ODF2L: variants seen among roughly 807,000 people sequenced by gnomAD.
The protein encoded by ODF2L is outer dense fiber of sperm tails 2 like.
ODF2L carries 76 observed loss-of-function variants against 86.3 expected under a neutral mutation model. The observed-to-expected ratio is 0.88, with a 90% CI of 0.73 to 1.07. ODF2L has a LOEUF of 1.07. Ranked by LOEUF, ODF2L falls within the 50% of genes least tolerant of loss-of-function variation. The pLI, the probability that ODF2L is intolerant of heterozygous loss-of-function variation, is 0.00. For synonymous variants in ODF2L, 241 were observed against 231.3 expected, an observed-to-expected ratio of 1.04 and a Z score of -0.38; for missense variants, 748 against 717.4, an observed-to-expected ratio of 1.04 and a Z score of -0.49.
downstream of ODF2L, chr1:86,349,728 A>G (rs1270110699): frequency 6.6e-6 from 1 of 152,220 alleles, no homozygotes; most frequent in African/African-American, 2.4e-5. Context: ...TTAGGATAAT[A>G]CATAAGACTT....
At chr1:86,382,310 G>T in exon 7 of ODF2L, 1 of 1,612,056 alleles carries the variant, frequency 6.2e-7, no homozygotes, top group African/African-American at 1.3e-5. Context: ...AGTCGTTCAT[G>T]TACTACTTTT....
At chr1:86,347,060 TAGC>T (rs1657842902), downstream of ODF2L, 1 of 152,216 alleles carries the variant, frequency 6.6e-6, no homozygotes, top group Admixed American at 6.5e-5. Context: ...TAATCAATCA[TAGC>T]AGCGCTGCTG....
chr1:86,352,814 T>C, intron 17 of ODF2L, 45 bp downstream of exon 16: 1 of 1,214,504 alleles, frequency 8.2e-7, no homozygotes, highest in African/African-American at 1.6e-5. Context: ...GGTAAGAATG[T>C]TAAATGTTAT....
chr1:86,348,947 T>C (rs1570331307), downstream of ODF2L: 8 of 1,441,054 alleles, frequency 5.6e-6, no homozygotes, highest in Middle Eastern at 1.9e-4. Context: ...AGAGTCATAA[T>C]ATTAAAAACA....
At chr1:86,355,037 GTTAAAT>G (rs1213804614) in intron 14 of ODF2L, 178 bp from the exon 14 acceptor site, 2 of 543,244 alleles carry the variant, frequency 3.7e-6, no homozygotes, top group African/African-American at 1.9e-5. Context: ...TAAATTCCTG[GTTAAAT>G]TTAAAGAAGT....
At chr1:86,392,579 T>C (rs1570446898) in intron 1 of ODF2L, among the ~76,000 whole-genome samples, 1 of 152,130 alleles carries the variant, frequency 6.6e-6, no homozygotes, top group African/African-American at 2.4e-5. Flanking sequence ...CCAAACATCA[T>C]ATGTTCTTAC....
intron 7 of ODF2L, among the ~76,000 whole-genome samples, chr1:86,378,952 G>T (rs1306582423): frequency 1.3e-5 from 2 of 152,060 alleles, no homozygotes; most frequent in Non-Finnish European, 1.5e-5. Context: ...CATGGGGGTT[G>T]TTTCTTATGA....
intron 6 of ODF2L, 114 bp from the exon 7 acceptor site, chr1:86,382,472 C>G: frequency 2.0e-6 from 3 of 1,511,446 alleles, no homozygotes; most frequent in Non-Finnish European, 2.6e-6. Context: ...TGATAAAAAG[C>G]AAAGCACTAC....
chr1:86,353,541 C>T (rs561781880), intron 16 of ODF2L, among the ~76,000 whole-genome samples: 1 of 152,216 alleles, frequency 6.6e-6, no homozygotes, highest in East Asian at 1.9e-4. Flanking sequence ...TTATGTTCAT[C>T]TAAGGAATCA....
chr1:86,369,980 T>C (rs1659684651), intron 10 of ODF2L, among the ~76,000 whole-genome samples: 1 of 152,186 alleles, frequency 6.6e-6, no homozygotes, highest in Non-Finnish European at 1.5e-5. Context: ...TTAAATTGTG[T>C]ATATTTTTTC....
chr1:86,355,367 T>C, intron 14 of ODF2L: 1 of 1,537,960 alleles, frequency 6.5e-7, no homozygotes, highest in South Asian at 1.2e-5. Flanking sequence ...AGAATATTCT[T>C]CCCACTGCTT....
At chr1:86,370,250 C>T (rs1248399584) in intron 10 of ODF2L, among the ~76,000 whole-genome samples, 4 of 151,928 alleles carry the variant, frequency 2.6e-5, no homozygotes, top group Admixed American at 6.6e-5. Context: ...CATCTTAATA[C>T]ATAGAATAAA....
At chr1:86,381,626 A>AAG (rs1553175387) in intron 7 of ODF2L, among the ~76,000 whole-genome samples, 1 of 152,030 alleles carries the variant, frequency 6.6e-6, no homozygotes, top group Non-Finnish European at 1.5e-5. Context: ...AAAAAAAAAA[A>AAG]GAGTTACCTT....
chr1:86,393,435 T>C (rs1570448802), intron 1 of ODF2L, among the ~76,000 whole-genome samples: 1 of 142,810 alleles, frequency 7.0e-6, no homozygotes, highest in African/African-American at 2.6e-5. Context: ...AGCTGGAAAA[T>C]AAATCTTATG....
At chr1:86,364,611 A>G (rs1238213361) in intron 11 of ODF2L, among the ~76,000 whole-genome samples, 1 of 152,194 alleles carries the variant, frequency 6.6e-6, no homozygotes, top group Non-Finnish European at 1.5e-5. Flanking sequence ...AAAAGAATCA[A>G]GTCATATGGG....
At chr1:86,365,374 T>TA (rs1659330453) in intron 11 of ODF2L, among the ~76,000 whole-genome samples, 1 of 152,104 alleles carries the variant, frequency 6.6e-6, no homozygotes, top group Non-Finnish European at 1.5e-5. Flanking sequence ...CTAGAAGTAA[T>TA]GGAAGGATAA....
In ODF2L at chr1:86,373,638, G is replaced by A. The variant is rs371902512; in HGVS notation, c.811-1098C>T. Reference sequence around the variant, plus strand: ...TTGAATTAATTTCATGCTCTATAGAGAGAAGATGGTAACAAACACATAAGC... The same window carrying A: ...TTGAATTAATTTCATGCTCTATAGAAAGAAGATGGTAACAAACACATAAGC... On this transcript the variant is annotated intron_variant, in intron 8 of 17. Coordinates refer to ENST00000317336, the Ensembl canonical transcript of ODF2L. 2.8e-3 allele frequency among the ~76,000 whole-genome samples: 423 copies of A among 151,986 alleles called. 3 individuals are homozygous for A. Among genetic ancestry groups the A allele is most frequent in the Middle Eastern group, 0.027 (8 of 294 alleles).
chr1:86,367,684 C>G (rs751266168), intron 11 of ODF2L, among the ~76,000 whole-genome samples: 7 of 151,880 alleles, frequency 4.6e-5, no homozygotes, highest in Non-Finnish European at 7.4e-5. Flanking sequence ...CATTTATAAA[C>G]ATATTACTTG....
chr1:86,388,818 A>G (rs966359126), intron 1 of ODF2L, among the ~76,000 whole-genome samples: 1 of 152,172 alleles, frequency 6.6e-6, no homozygotes, highest in African/African-American at 2.4e-5. Flanking sequence ...GGTAACTGCC[A>G]CTTATCTTAA....
Sources: gnomAD v4.1 joint callset for allele counts (sites outside exome capture counted in the v4.1 genomes callset) on GRCh38, gnomAD v4.1.1 for gene constraint, MANE v1.5 for transcripts, NCBI Gene and HGNC (gene_info 2026-07-23, HGNC 2026-07-21) for gene names.